The following AGXT2 variants were observed in gnomAD, a reference collection of about 807,000 sequenced individuals.
The protein encoded by AGXT2 is alanine--glyoxylate aminotransferase 2, mitochondrial.
Under a neutral mutation model 62.5 loss-of-function variants are expected in AGXT2, and 61 were observed. The ratio of observed to expected loss-of-function variants is 0.98; its 90% CI spans 0.79 to 1.21. AGXT2 has a LOEUF of 1.21. AGXT2 is among the 50% of genes most tolerant of loss of function. The pLI is 0.00. For missense variants in AGXT2, 666 were observed against 641.5 expected, an observed-to-expected ratio of 1.04 and a Z score of -0.41; for synonymous variants, 243 against 218.7, an observed-to-expected ratio of 1.11 and a Z score of -0.98.
At position 35,014,056 on chromosome 5, in the gene AGXT2, G is replaced by A. The variant is rs971966932; in HGVS notation, c.1027C>T (p.Pro343Ser). The change falls in exon 10 of 14, where the codon CCT (proline) becomes TCT (serine). Residue 343 changes from proline to serine, a missense_variant. By Grantham distance (74) the Pro-to-Ser change is moderately conservative. Transcript: ENST00000231420. Reference sequence around the variant, plus strand: ...CCTTTAGCCATGGTGACAATGTCAGGCAGGACATCGTGGGTTTGGAAGCCC... The same window carrying A: ...CCTTTAGCCATGGTGACAATGTCAGACAGGACATCGTGGGTTTGGAAGCCC... Reference protein sequence around the residue: ...FWGFQTHDVLPDIVTMAKGIG... With the variant: ...FWGFQTHDVLSDIVTMAKGIG... 2.5e-6 allele frequency: 4 copies of A among 1,614,014 alleles called. No individual in the cohort carries two copies. In the Admixed American group the frequency reaches 5.0e-5, roughly 20 times the overall value.
chr5:35,042,482 A>G (rs1434386557), intron 1 of AGXT2, among the ~76,000 whole-genome samples: 1 of 152,188 alleles, frequency 6.6e-6, no homozygotes, highest in East Asian at 1.9e-4. Context: ...ATTGACTGTC[A>G]TATCACTCCT....
chr5:35,006,302 G>A (rs1766415326), intron 12 of AGXT2, among the ~76,000 whole-genome samples: 1 of 152,182 alleles, frequency 6.6e-6, no homozygotes, highest in South Asian at 2.1e-4. Flanking sequence ...TGCCAGGTAT[G>A]TTAGGCCATT....
chr5:35,015,061 A>G (rs1004484380), intron 9 of AGXT2, among the ~76,000 whole-genome samples: 2 of 152,234 alleles, frequency 1.3e-5, no homozygotes, highest in Non-Finnish European at 2.9e-5. Context: ...CGCTCTTTCT[A>G]GAAGACCCTC....
chr5:35,007,215 G>A (rs1305668863), intron 12 of AGXT2, among the ~76,000 whole-genome samples: 2 of 152,218 alleles, frequency 1.3e-5, no homozygotes, highest in Admixed American at 6.5e-5. Context: ...CTATGAACCA[G>A]AAAGTGGGCC....
intron 3 of AGXT2, 28 bp from the exon 4 acceptor site, chr5:35,037,093 T>C: frequency 6.2e-7 from 1 of 1,613,172 alleles, no homozygotes; most frequent in African/African-American, 1.3e-5. Context: ...CAGAGTTACC[T>C]GCACTGCGTG....
chr5:35,024,830 T>C (rs911831581), intron 9 of AGXT2, among the ~76,000 whole-genome samples: 9 of 151,828 alleles, frequency 5.9e-5, no homozygotes, highest in African/African-American at 2.2e-4. Context: ...ACTAGCCGGG[T>C]GTGGTGGCGG....
chr5:35,010,187 A>G (rs768546156), intron 11 of AGXT2, 38 bp from the exon 12 acceptor site: 1 of 1,613,520 alleles, frequency 6.2e-7, no homozygotes, highest in Non-Finnish European at 8.5e-7. Context: ...TACATGGCAG[A>G]AGTTCTAAGA....
intron 13 of AGXT2, among the ~76,000 whole-genome samples, chr5:35,003,108 G>A (rs1211109661): frequency 6.6e-6 from 1 of 152,230 alleles, no homozygotes; most frequent in Non-Finnish European, 1.5e-5. Flanking sequence ...TGCAGGGCAA[G>A]CCAGGGTCCT....
chr5:35,047,742 G>T, intron 1 of AGXT2, 63 bp downstream of exon 1: 1 of 1,587,042 alleles, frequency 6.3e-7, no homozygotes, highest in South Asian at 1.1e-5. Flanking sequence ...GCAGCCTTCG[G>T]AGCTCAAGTC....
intron 11 of AGXT2, among the ~76,000 whole-genome samples, chr5:35,011,460 A>G (rs1311347339): frequency 2.4e-5 from 1 of 42,256 alleles, no homozygotes; most frequent in African/African-American, 5.3e-5. Flanking sequence ...ACTCTTTCTA[A>G]AAAAAAAAAA....
At position 35,033,479 on chromosome 5, in the gene AGXT2, C is replaced by A; in HGVS notation, c.656G>T (p.Gly219Val). 1 of 1,613,470 alleles carries A rather than the reference C, an allele frequency of 6.2e-7. No individual in the cohort carries two copies. Among genetic ancestry groups the A allele is most frequent in the Non-Finnish European group, 8.5e-7 (1 of 1,179,440 alleles). ...NVGTYKMELP[G>V]GTGCQPTMCP... The stretch of plus-strand genomic sequence containing the variant: ...ACTCACTGGTTGGCAACCTGTCCCA[C>A]CAGGGAGTTCCATCTTGTAGGTCCC... The change falls in exon 6 of 14, where the codon GGT becomes GTT. Residue 219 changes from glycine (G) to valine (V), a missense_variant. Gly to Val is a moderately radical substitution (Grantham distance 109, BLOSUM62 -3). Transcript: ENST00000231420.
chr5:35,026,501 T>C lies in AGXT2; in HGVS notation c.779A>G (p.Gln260Arg). 2 of 1,613,864 alleles carry C rather than the reference T, an allele frequency of 1.2e-6. No homozygotes were observed. Among genetic ancestry groups the C allele is most frequent in the Non-Finnish European group, 8.5e-7 (1 of 1,179,870 alleles). Residue 260 changes from glutamine to arginine, a missense_variant, in exon 8 of 14, where the codon CAA becomes CGA. Transcript: ENST00000231420. ...TTGCTCAATATACTGATCTTTAGCTTGGCAGCAGTCTGCAAAAAGCAAACA... is the reference window on the plus strand; with the variant it reads ...TTGCTCAATATACTGATCTTTAGCTCGGCAGCAGTCTGCAAAAAGCAAACA... ...RKCSCAPDCC[Q>R]AKDQYIEQFK...
At chr5:35,000,983 A>G (rs890806843) in intron 13 of AGXT2, among the ~76,000 whole-genome samples, 2 of 152,216 alleles carry the variant, frequency 1.3e-5, no homozygotes, top group African/African-American at 2.4e-5. Context: ...ATTACATGAG[A>G]TACTCAACAC....
intron 3 of AGXT2, 150 bp downstream of exon 3, chr5:35,039,174 A>T: frequency 1.1e-6 from 1 of 923,594 alleles, no homozygotes; most frequent in Non-Finnish European, 1.7e-6. Context: ...AAGATTTTGT[A>T]CTCAGGAAAT....
chr5:35,012,263 A>G (rs2112195947), intron 11 of AGXT2: 1 of 151,392 alleles, frequency 6.6e-6, no homozygotes, highest in Non-Finnish European at 1.5e-5. Flanking sequence ...ATAAATATAT[A>G]TGTGTATGTA....
At chr5:35,046,188 C>T (rs375005947) in intron 1 of AGXT2, among the ~76,000 whole-genome samples, 5 of 152,136 alleles carry the variant, frequency 3.3e-5, no homozygotes, top group African/African-American at 1.2e-4. Flanking sequence ...TCTAGGTTAC[C>T]TGCTGCTCCA....
chr5:35,041,028 C>G (rs899965400), intron 1 of AGXT2, among the ~76,000 whole-genome samples: 2 of 151,894 alleles, frequency 1.3e-5, no homozygotes, highest in Non-Finnish European at 2.9e-5. Context: ...AATAGAGGTG[C>G]TTTTTAGGCT....
intron 1 of AGXT2, among the ~76,000 whole-genome samples, chr5:35,043,665 TGGAACCATA>T (rs1171960654): frequency 1.2e-4 from 18 of 152,268 alleles, no homozygotes; most frequent in Admixed American, 5.9e-4. Context: ...CTTGAGTAGC[TGGAACCATA>T]GGCACCAGCC....
intron 7 of AGXT2, among the ~76,000 whole-genome samples, chr5:35,028,879 G>T (rs1458124380): frequency 6.6e-6 from 1 of 152,200 alleles, no homozygotes; most frequent in East Asian, 1.9e-4. Flanking sequence ...TTAGAGGCAT[G>T]GATGCAGTGC....
Sources: gnomAD v4.1 joint callset for allele counts (sites outside exome capture counted in the v4.1 genomes callset) on GRCh38, gnomAD v4.1.1 for gene constraint, MANE v1.5 for transcripts, NCBI Gene and HGNC (gene_info 2026-07-23, HGNC 2026-07-21) for gene names.